GABRR1: variants seen among roughly 807,000 people sequenced by gnomAD.
GABRR1 encodes gamma-aminobutyric acid receptor subunit rho-1.
GABRR1 carries 59 observed loss-of-function variants against 55.5 expected under a neutral mutation model. That is an observed-to-expected ratio of 1.06 (90% CI 0.86 to 1.32). GABRR1 has a LOEUF of 1.32. GABRR1 is among the 40% of genes most tolerant of loss of function. The pLI is 0.00. For missense variants in GABRR1, 602 were observed against 619.1 expected (o/e 0.97, Z 0.29); for synonymous variants, 213 against 226.0 (o/e 0.94, Z 0.51).
chr6:89,217,357 A>T lies in GABRR1; in HGVS notation c.-35T>A. ...AATTCAAACAGCTCTCTCCAGAAAC[A>T]GCAAAAAGGAAAAGATTGTTCTTTT... On this transcript the variant is annotated 5_prime_UTR_variant, in exon 1 of 10. Transcript: ENST00000454853. The T allele has an allele frequency of 6.2e-7, 1 of 1,608,874 alleles. No individual in the cohort carries two copies.
At chr6:89,187,121 T>C (rs1771926549) in intron 6 of GABRR1, among the ~76,000 whole-genome samples, 1 of 152,096 alleles carries the variant, frequency 6.6e-6, no homozygotes, top group South Asian at 2.1e-4. Context: ...GGGAGGAGAA[T>C]GGAGCGGACA....
intron 7 of GABRR1, among the ~76,000 whole-genome samples, chr6:89,184,077 T>A (rs1057221948): frequency 1.3e-5 from 2 of 151,930 alleles, no homozygotes; most frequent in Non-Finnish European, 2.9e-5. Flanking sequence ...CCATCTCTAC[T>A]AAAAATACAA....
chr6:89,226,023 G>C (rs1463683105), intron 1 of GABRR1, among the ~76,000 whole-genome samples: 1 of 151,616 alleles, frequency 6.6e-6, no homozygotes, highest in Non-Finnish European at 1.5e-5. Flanking sequence ...CAGTGATGAT[G>C]AGCATTTTTT....
chr6:89,198,072 CTG>C lies in GABRR1; in HGVS notation c.518_519del (p.Thr173ArgfsTer10). On this transcript the variant is annotated frameshift_variant, in exon 5 of 10. Coordinates refer to ENST00000454853, the MANE Select transcript of GABRR1 (RefSeq NM_002042.5). LOFTEE classifies it high-confidence loss of function. ...SKRSFIHDTT[T>X]DNVMLRVQPD... is the part of the protein sequence containing the mutation. ...GGCTGGACCCGCAACATGACGTTGT[CTG>C]TGGTGGTGTCGTGGATGAAGGAGCG... 1 of 1,614,148 alleles carries C rather than the reference CTG, an allele frequency of 6.2e-7. No individual in the cohort carries two copies. Among genetic ancestry groups the C allele is most frequent in the Non-Finnish European group, 8.5e-7 (1 of 1,180,038 alleles).
chr6:89,179,030 T>A lies in GABRR1; in HGVS notation c.1180A>T (p.Thr394Ser). 1 of 1,614,114 alleles carries A rather than the reference T, an allele frequency of 6.2e-7. No individual in the cohort carries two copies. The stretch of plus-strand genomic sequence containing the variant: ...CTGTAGTTGCCGTCCAGCATCGCAG[T>A]GCGGGGCGGAGGTAATCCGCTGGTG... ...PCTSGLPPPR[T>S]AMLDGNYSDG... Residue 394 changes from threonine (T) to serine (S), a missense_variant, in exon 10 of 10, where the codon ACT becomes TCT. Thr to Ser is a moderately conservative substitution (Grantham distance 58, BLOSUM62 1). Around this residue, in one of 3 missense-constraint regions of GABRR1, gnomAD observed 139 missense variants for 141.1 expected, o/e 0.99. Transcript: ENST00000454853.
At position 89,178,729 on chromosome 6, in the gene GABRR1, T is replaced by C. The variant is rs1357961341; in HGVS notation, c.*41A>G. The C allele has an allele frequency of 6.6e-7, 1 of 1,519,926 alleles. No individual in the cohort carries two copies. 94.2% of individuals were successfully genotyped at this position (1,519,926 alleles called of 1,614,324 possible). A position where few individuals can be genotyped will look rare whatever the true frequency, so the allele number is the denominator to read the frequency against. ...TTTCATTATACAGTTATTTCTGTAGTGCATGCCATGGAAATGTGAAATTTG... is the reference window on the plus strand; with the variant it reads ...TTTCATTATACAGTTATTTCTGTAGCGCATGCCATGGAAATGTGAAATTTG... On this transcript the variant is annotated 3_prime_UTR_variant, in exon 10 of 10. Coordinates refer to ENST00000454853, the MANE Select transcript of GABRR1 (RefSeq NM_002042.5).
intron 6 of GABRR1, among the ~76,000 whole-genome samples, chr6:89,187,525 C>T (rs7750980): frequency 2.0e-5 from 3 of 152,124 alleles, no homozygotes; most frequent in African/African-American, 4.8e-5. Context: ...ACTACATAAA[C>T]ACAACCAGTA....
At chr6:89,196,822 G>GGAAAGAAAGAAAGAAGGAAAGAAAGAAA (rs1772292522) in intron 5 of GABRR1, among the ~76,000 whole-genome samples, 2 of 91,060 alleles carry the variant, frequency 2.2e-5, no homozygotes, top group African/African-American at 8.4e-5. Flanking sequence ...AAGAAAAGAA[G>GGAAAGAAAGAAAGAAGGAAAGAAAGAAA]GAAAGAAAGA....
intron 1 of GABRR1, among the ~76,000 whole-genome samples, chr6:89,228,525 C>T (rs1214026370): frequency 2.4e-5 from 2 of 83,784 alleles, no homozygotes; most frequent in Admixed American, 1.2e-4. Flanking sequence ...ATTATGTACC[C>T]AGTAGTCATT....
At chr6:89,199,548 G>C (rs939388369) in intron 3 of GABRR1, 119 bp from the exon 4 acceptor site, 1 of 879,272 alleles carries the variant, frequency 1.1e-6, no homozygotes, top group African/African-American at 1.7e-5. Context: ...TTGGAGGTTT[G>C]GTCATGGCAA....
chr6:89,181,695 G>C (rs916205896), intron 8 of GABRR1, among the ~76,000 whole-genome samples: 2 of 152,178 alleles, frequency 1.3e-5, no homozygotes, highest in African/African-American at 4.8e-5. Flanking sequence ...GGGCTGTTTG[G>C]ATGGGCACCT....
At chr6:89,219,564 GTTCT>G (rs1428001768), upstream of GABRR1, among the ~76,000 whole-genome samples, 2 of 152,202 alleles carry the variant, frequency 1.3e-5, no homozygotes, top group African/African-American at 4.8e-5. Context: ...ATTACTGGGT[GTTCT>G]TTCAATAGAA....
chr6:89,179,223 T>C (rs45459495), intron 9 of GABRR1, among the ~76,000 whole-genome samples, 160 bp from the exon 10 acceptor site: 1 of 151,820 alleles, frequency 6.6e-6, no homozygotes, highest in African/African-American at 2.4e-5. Flanking sequence ...TTTTGTTTTT[T>C]TTTTGGGGGG....
chr6:89,220,990 G>A (rs12189984), upstream of GABRR1, among the ~76,000 whole-genome samples: 5,139 of 152,118 alleles, frequency 0.034, 106 homozygotes, highest in African/African-American at 0.058. Context: ...AAAGTGCTGG[G>A]GTTACAGGCA....
At chr6:89,184,014 C>T (rs7768338) in intron 7 of GABRR1, among the ~76,000 whole-genome samples, 5 of 151,954 alleles carry the variant, frequency 3.3e-5, no homozygotes, top group African/African-American at 9.7e-5. Flanking sequence ...CTGAGGTGGG[C>T]CAATCATTTG....
chr6:89,180,471 T>C lies in GABRR1; in HGVS notation c.967A>G (p.Thr323Ala). 1 of 1,613,668 alleles carries C rather than the reference T, an allele frequency of 6.2e-7. No individual in the cohort carries two copies. The highest frequency in any genetic ancestry group is 8.5e-7 in the Non-Finnish European group (1 of 1,179,886). The change falls in exon 9 of 10, where the codon ACC (threonine) becomes GCC (alanine). Residue 323 changes from threonine (T) to alanine (A), a missense_variant. By Grantham distance (58) the Thr-to-Ala change is moderately conservative. Coordinates refer to ENST00000454853, the MANE Select transcript of GABRR1 (RefSeq NM_002042.5). The stretch of plus-strand genomic sequence containing the variant: ...ACGCCCGTGATGATGGTGGACATGG[T>C]CAGCACCGTTGTGATACCTGCAAAC... ...RVPLGITTVL[T>A]MSTIITGVNA...
intron 7 of GABRR1, among the ~76,000 whole-genome samples, chr6:89,183,093 CCTTA>C (rs1365208403): frequency 1.4e-5 from 2 of 146,686 alleles, no homozygotes; most frequent in Non-Finnish European, 3.0e-5. Context: ...TCTTTTGTGT[CCTTA>C]CAAGGAAAAC....
chr6:89,201,023 G>T, intron 3 of GABRR1, 136 bp downstream of exon 3: 1 of 667,910 alleles, frequency 1.5e-6, no homozygotes, highest in Non-Finnish European at 2.7e-6. Flanking sequence ...CTGTGGGCTC[G>T]ATGTCTTGTC....
chr6:89,219,573 A>G (rs770557295), upstream of GABRR1, among the ~76,000 whole-genome samples: 4 of 152,230 alleles, frequency 2.6e-5, no homozygotes, highest in African/African-American at 4.8e-5. Flanking sequence ...TGTTCTTTCA[A>G]TAGAATTCTA....
Sources: gnomAD v4.1 joint callset for allele counts (sites outside exome capture counted in the v4.1 genomes callset) on GRCh38, gnomAD v4.1.1 for gene constraint, gnomAD v4.1.1 regional missense constraint, MANE v1.5 for transcripts, NCBI Gene and HGNC (gene_info 2026-07-23, HGNC 2026-07-21) for gene names.